Variants in ATP6V1H observed in about 807,000 individuals in gnomAD.
ATP6V1H encodes ATPase H+ transporting V1 subunit H, also known as V-type proton ATPase subunit H.
In ATP6V1H, 39 loss-of-function variants were observed where a neutral mutation model predicts 71.7. That is an observed-to-expected ratio of 0.54 (90% confidence interval 0.42 to 0.71). The LOEUF is 0.71. ATP6V1H is among the 30% of genes least tolerant of loss of function. The probability of loss-of-function intolerance (pLI) is 0.00; values close to 1 mark genes in which losing one functional copy is unlikely to be tolerated. For missense variants in ATP6V1H, 509 were observed against 594.9 expected, an observed-to-expected ratio of 0.86 and a Z score of 1.50; for synonymous variants, 192 against 199.3, an observed-to-expected ratio of 0.96 and a Z score of 0.31.
At chr8:53,798,584 A>T (rs932662094) in intron 8 of ATP6V1H, among the ~76,000 whole-genome samples, 4 of 148,798 alleles carry the variant, frequency 2.7e-5, no homozygotes, top group Admixed American at 1.4e-4. Flanking sequence ...TTTTCTCCTC[A>T]CATTATTCCT....
rs553431771 is a variant in ATP6V1H at position 53,773,771 on chromosome 8, T to C, written c.871-1604A>G. Among the ~76,000 whole-genome samples the C allele has an allele frequency of 5.9e-5, 9 of 152,254 alleles. No homozygotes were observed. In the East Asian group the frequency reaches 1.7e-3, roughly 29 times the overall value. ...TTCAAAGCAATTATTATAAAAATCC[T>C]CAATGAAATAAAATGCTTTCAATAC... On this transcript the variant is annotated intron_variant, in intron 9 of 13. Coordinates refer to ENST00000359530, the MANE Select transcript of ATP6V1H (RefSeq NM_015941.4).
chr8:53,810,751 A>G (rs1810247381), intron 7 of ATP6V1H, among the ~76,000 whole-genome samples: 1 of 152,176 alleles, frequency 6.6e-6, no homozygotes, highest in African/African-American at 2.4e-5. Context: ...AAAAATAAAT[A>G]AATAAATAAA....
intron 4 of ATP6V1H, among the ~76,000 whole-genome samples, chr8:53,828,712 G>A (rs1040716969): frequency 3.2e-4 from 49 of 152,190 alleles, no homozygotes; most frequent in African/African-American, 1.2e-3. Context: ...ATCAATAATA[G>A]TACAGTGCTT....
chr8:53,772,269 T>G lies in ATP6V1H; in HGVS notation c.871-102A>C, dbSNP rs189095895. On this transcript the variant is annotated intron_variant, in intron 9 of 13. Transcript: ENST00000359530. ...TATAGTCTCTCTCCTCCTCCTATTC[T>G]CAAGTTTAACTATCACCTTTAAGTG... 5.7e-4 allele frequency: 530 copies of G among 935,074 alleles called. 1 individual carries two copies. In the African/African-American group the frequency reaches 7.5e-3, roughly 13 times the overall value. 57.9% of individuals were successfully genotyped at this position (935,074 alleles called of 1,614,324 possible).
chr8:53,796,831 C>T (rs1809757995), intron 8 of ATP6V1H, among the ~76,000 whole-genome samples: 1 of 152,156 alleles, frequency 6.6e-6, no homozygotes, highest in Non-Finnish European at 1.5e-5. Context: ...TAAAGCTGCT[C>T]TAATAATATA....
intron 7 of ATP6V1H, among the ~76,000 whole-genome samples, chr8:53,802,683 G>A (rs1168577008): frequency 6.6e-6 from 1 of 152,060 alleles, no homozygotes; most frequent in Admixed American, 6.6e-5. Flanking sequence ...TCACACCACT[G>A]CACTCCAGCC....
chr8:53,828,149 T>C (rs777469520), intron 4 of ATP6V1H, among the ~76,000 whole-genome samples: 10 of 152,190 alleles, frequency 6.6e-5, no homozygotes, highest in Non-Finnish European at 1.5e-4. Flanking sequence ...CTGGGTCAAA[T>C]GGTAGTTCTG....
At chr8:53,741,246 T>C (rs1008390340) in intron 13 of ATP6V1H, among the ~76,000 whole-genome samples, 3 of 152,182 alleles carry the variant, frequency 2.0e-5, no homozygotes, top group African/African-American at 4.8e-5. Context: ...CATGATCATC[T>C]GAACAACAAA....
intron 6 of ATP6V1H, among the ~76,000 whole-genome samples, chr8:53,812,955 A>G (rs1299409152): frequency 6.6e-6 from 1 of 152,110 alleles, no homozygotes; most frequent in Non-Finnish European, 1.5e-5. Flanking sequence ...TCAGCCTCCC[A>G]AAGTGCTAGG....
At chr8:53,738,758 C>T (rs752529732) in intron 13 of ATP6V1H, among the ~76,000 whole-genome samples, 3 of 152,090 alleles carry the variant, frequency 2.0e-5, no homozygotes, top group East Asian at 1.9e-4. Context: ...TATGTTATGC[C>T]GGCATTTGCA....
At chr8:53,834,271 C>T (rs1056394318) in intron 2 of ATP6V1H, among the ~76,000 whole-genome samples, 1 of 152,176 alleles carries the variant, frequency 6.6e-6, no homozygotes, top group African/African-American at 2.4e-5. Context: ...ATGATACTAC[C>T]TGCCCTAGCC....
At chr8:53,739,844 A>T (rs1807352538) in intron 13 of ATP6V1H, among the ~76,000 whole-genome samples, 1 of 152,260 alleles carries the variant, frequency 6.6e-6, no homozygotes, top group African/African-American at 2.4e-5. Context: ...GCCCGCGAGT[A>T]GGACTGGCCT....
At chr8:53,726,484 A>C (rs1467645031) in intron 13 of ATP6V1H, among the ~76,000 whole-genome samples, 1 of 152,204 alleles carries the variant, frequency 6.6e-6, no homozygotes, top group Non-Finnish European at 1.5e-5. Context: ...GGTTTCAACA[A>C]GATTAAAGTA....
At chr8:53,812,243 C>G (rs1376401931) in intron 6 of ATP6V1H, among the ~76,000 whole-genome samples, 3 of 152,052 alleles carry the variant, frequency 2.0e-5, no homozygotes, top group African/African-American at 7.2e-5. Flanking sequence ...TGAAGAGTTC[C>G]CCTGCAGCAG....
intron 4 of ATP6V1H, among the ~76,000 whole-genome samples, chr8:53,823,601 C>T (rs963086846): frequency 6.6e-6 from 1 of 152,160 alleles, no homozygotes; most frequent in Non-Finnish European, 1.5e-5. Context: ...CCTCAGCCTC[C>T]CAGTAGCTGG....
intron 13 of ATP6V1H, among the ~76,000 whole-genome samples, chr8:53,742,701 A>C (rs1453594750): frequency 6.6e-6 from 1 of 152,246 alleles, no homozygotes; most frequent in Non-Finnish European, 1.5e-5. Context: ...ATGATACCAC[A>C]GCAGTACTCC....
At chr8:53,817,625 G>T (rs1186586983) in intron 4 of ATP6V1H, 95 bp from the exon 5 acceptor site, 2 of 746,804 alleles carry the variant, frequency 2.7e-6, no homozygotes, top group Non-Finnish European at 4.4e-6. Flanking sequence ...ATCAGTCTGT[G>T]TTCTTTTTTC....
intron 13 of ATP6V1H, among the ~76,000 whole-genome samples, chr8:53,726,020 GACC>G (rs1365338116): frequency 6.6e-6 from 1 of 152,094 alleles, no homozygotes; most frequent in South Asian, 2.1e-4. Context: ...AAACATTTTA[GACC>G]ACAACTTATA....
intron 13 of ATP6V1H, among the ~76,000 whole-genome samples, chr8:53,732,665 A>G (rs556051221): frequency 4.6e-5 from 7 of 151,452 alleles, no homozygotes; most frequent in East Asian, 1.9e-4. Flanking sequence ...TTGCAAAAAA[A>G]AAAAAAGAAA....
Sources: gnomAD v4.1 joint callset for allele counts (sites outside exome capture counted in the v4.1 genomes callset) on GRCh38, gnomAD v4.1.1 for gene constraint, MANE v1.5 for transcripts, NCBI Gene and HGNC (gene_info 2026-07-23, HGNC 2026-07-21) for gene names.